The following PARVA variants were observed in gnomAD, a reference collection of about 807,000 sequenced individuals.
PARVA encodes parvin alpha.
A neutral mutation model predicts 52.6 loss-of-function variants in PARVA; 25 were observed. The observed-to-expected ratio is 0.48, with a 90% CI of 0.35 to 0.66. The LOEUF is 0.66. PARVA is among the 30% of genes least tolerant of loss of function. The pLI, the probability that PARVA is intolerant of heterozygous loss-of-function variation, is 0.01. For missense variants in PARVA, 373 were observed against 450.9 expected (o/e 0.83, Z 1.56); for synonymous variants, 185 against 179.1 (o/e 1.03, Z -0.26).
Position 12,473,607 on chromosome 11 carries a change from T to C in PARVA, c.137-138T>C, listed in dbSNP as rs1031297598. ...TCAGCCAGGCGAGGCCATGAATTGA[T>C]CGTAGGCTGAGTAACAGCTGTAATC... On this transcript the variant is annotated intron_variant, in intron 1 of 12. Coordinates refer to ENST00000334956, the MANE Select transcript of PARVA (RefSeq NM_018222.5). 6.0e-6 allele frequency: 4 copies of C among 671,256 alleles called. No homozygotes were observed. In the African/African-American group the frequency reaches 7.2e-5, roughly 12 times the overall value. 41.6% of individuals were successfully genotyped at this position (671,256 alleles called of 1,614,324 possible). A position where few individuals can be genotyped will look rare whatever the true frequency, so the allele number is the denominator to read the frequency against.
intron 1 of PARVA, among the ~76,000 whole-genome samples, chr11:12,386,688 C>T (rs1431971177): frequency 2.0e-5 from 3 of 152,214 alleles, no homozygotes; most frequent in Non-Finnish European, 2.9e-5. Context: ...TAATCTTAGA[C>T]AGATCTCTTC....
At chr11:12,377,813 G>A in intron 1 of PARVA, 30 bp downstream of exon 1, 2 of 1,465,636 alleles carry the variant, frequency 1.4e-6, no homozygotes, top group Non-Finnish European at 1.8e-6. Flanking sequence ...CCGGGCGGGC[G>A]GTAGGAGCCG....
chr11:12,530,362 A>T lies in PARVA; in HGVS notation c.*2437A>T, dbSNP rs1268571689. 3.3e-5 allele frequency: 5 copies of T among 152,216 alleles called. No homozygotes were observed. The highest frequency in any genetic ancestry group is 7.3e-5 in the Non-Finnish European group (5 of 68,044). The allele number at this position is 152,216 out of a possible 1,614,324, so 9.4% of individuals were successfully genotyped here. ...GGCAAAAGAGGAATCAAGAATAAATAAAACAAACTTAATCTTCATCTTTAA... is the reference window on the plus strand; with the variant it reads ...GGCAAAAGAGGAATCAAGAATAAATTAAACAAACTTAATCTTCATCTTTAA... On this transcript the variant is annotated 3_prime_UTR_variant, in exon 13 of 13. Coordinates refer to ENST00000334956, the MANE Select transcript of PARVA (RefSeq NM_018222.5).
intron 1 of PARVA, among the ~76,000 whole-genome samples, chr11:12,470,348 A>C (rs1314478810): frequency 6.6e-6 from 1 of 152,260 alleles, no homozygotes; most frequent in Non-Finnish European, 1.5e-5. Context: ...GCTGCCAGGC[A>C]TGCTTCTGGG....
intron 1 of PARVA, among the ~76,000 whole-genome samples, chr11:12,418,293 T>C (rs1209239732): frequency 6.6e-6 from 1 of 152,170 alleles, no homozygotes; most frequent in East Asian, 1.9e-4. Context: ...TTCCCTTAGT[T>C]TGGGCTGGGT....
At chr11:12,392,167 G>C (rs1033147643) in intron 1 of PARVA, among the ~76,000 whole-genome samples, 9 of 151,794 alleles carry the variant, frequency 5.9e-5, no homozygotes, top group Non-Finnish European at 1.3e-4. Flanking sequence ...ATAATATATG[G>C]AATAGAATAA....
rs1388210139 is a variant in PARVA at position 12,455,104 on chromosome 11, C to T, written c.137-18641C>T. On this transcript the variant is annotated intron_variant, in intron 1 of 12. Transcript: ENST00000334956. ...CTTGATGGTGTCATGTTCCCCTGACCCCTGCATTTCCCAAAAACTGATGGG... is the reference window on the plus strand; with the variant it reads ...CTTGATGGTGTCATGTTCCCCTGACTCCTGCATTTCCCAAAAACTGATGGG... Among the ~76,000 whole-genome samples the T allele has an allele frequency of 2.0e-5, 3 of 152,092 alleles. No individual in the cohort carries two copies. The South Asian group carries it at 6.2e-4, about 32-fold the overall frequency.
intron 1 of PARVA, among the ~76,000 whole-genome samples, chr11:12,441,533 A>G (rs1940466686): frequency 6.6e-6 from 1 of 152,186 alleles, no homozygotes; most frequent in Non-Finnish European, 1.5e-5. Context: ...TGGTTAATCC[A>G]CACCATAAAG....
At chr11:12,463,892 C>G (rs747889139) in intron 1 of PARVA, among the ~76,000 whole-genome samples, 1 of 151,468 alleles carries the variant, frequency 6.6e-6, no homozygotes, top group Non-Finnish European at 1.5e-5. Context: ...TATTATAATC[C>G]AATACTACTT....
At chr11:12,513,238 G>A (rs1941524948) in intron 8 of PARVA, 61 bp from the exon 9 acceptor site, 7 of 1,500,326 alleles carry the variant, frequency 4.7e-6, no homozygotes, top group Non-Finnish European at 6.5e-6. Flanking sequence ...TGGGACCCAA[G>A]GTGGGCTTCC....
At position 12,464,627 on chromosome 11, in the gene PARVA, A is replaced by G. The variant is rs527736265; in HGVS notation, c.137-9118A>G. ...TACATTTGTAATACAGTTAGATTCT[A>G]TTGTCACAATCTGCATTCCATCCTT... On this transcript the variant is annotated intron_variant, in intron 1 of 12. Coordinates refer to ENST00000334956, the MANE Select transcript of PARVA (RefSeq NM_018222.5). 4.6e-5 allele frequency among the ~76,000 whole-genome samples: 7 copies of G among 152,276 alleles called. 2 individuals are homozygous for G. Among genetic ancestry groups the G allele is most frequent in the African/African-American group, 1.7e-4 (7 of 41,558 alleles).
intron 4 of PARVA, among the ~76,000 whole-genome samples, chr11:12,495,283 A>C (rs565474185): frequency 5.9e-5 from 9 of 152,206 alleles, no homozygotes; most frequent in Non-Finnish European, 1.3e-4. Context: ...AATCCACAGA[A>C]CCTGCATAAA....
intron 1 of PARVA, among the ~76,000 whole-genome samples, chr11:12,449,960 T>C (rs1185760794): frequency 6.6e-6 from 1 of 152,234 alleles, no homozygotes; most frequent in Non-Finnish European, 1.5e-5. Context: ...GCGACTAACA[T>C]TGATCAGATA....
intron 1 of PARVA, among the ~76,000 whole-genome samples, chr11:12,421,583 G>T (rs923940209): frequency 6.6e-6 from 1 of 152,218 alleles, no homozygotes; most frequent in Non-Finnish European, 1.5e-5. Context: ...TGCCCACATG[G>T]TGGTATCACA....
chr11:12,478,008 A>T (rs960698123), intron 4 of PARVA, 59 bp downstream of exon 4: 1 of 896,448 alleles, frequency 1.1e-6, no homozygotes, highest in East Asian at 2.4e-5. Flanking sequence ...TGGATCACCT[A>T]CTTGTAGCTA....
intron 1 of PARVA, among the ~76,000 whole-genome samples, chr11:12,389,079 T>G (rs977126754): frequency 3.9e-5 from 6 of 152,144 alleles, no homozygotes; most frequent in African/African-American, 1.4e-4. Context: ...TGCTTGGAAT[T>G]AAAACCAACA....
chr11:12,494,106 C>A (rs951925176), intron 4 of PARVA, among the ~76,000 whole-genome samples: 2 of 152,196 alleles, frequency 1.3e-5, no homozygotes, highest in Non-Finnish European at 2.9e-5. Flanking sequence ...TCAAAATCAG[C>A]CAAAAGGAAG....
chr11:12,404,372 C>T (rs912227897), intron 1 of PARVA, among the ~76,000 whole-genome samples: 1 of 151,794 alleles, frequency 6.6e-6, no homozygotes, highest in African/African-American at 2.4e-5. Flanking sequence ...CTTGGGGATG[C>T]AAAGGAGAGC....
At chr11:12,392,354 C>T (rs1046893371) in intron 1 of PARVA, among the ~76,000 whole-genome samples, 3 of 151,574 alleles carry the variant, frequency 2.0e-5, no homozygotes, top group African/African-American at 4.9e-5. Context: ...CTGCAACCTC[C>T]GCCTCTTGGG....
Sources: gnomAD v4.1 joint callset for allele counts (sites outside exome capture counted in the v4.1 genomes callset) on GRCh38, gnomAD v4.1.1 for gene constraint, MANE v1.5 for transcripts, NCBI Gene and HGNC (gene_info 2026-07-23, HGNC 2026-07-21) for gene names.